RASA1: variants seen among roughly 807,000 people sequenced by gnomAD.
RASA1 encodes ras GTPase-activating protein 1.
In RASA1, 25 loss-of-function variants were observed where a neutral mutation model predicts 132.2. That is an observed-to-expected ratio of 0.19 (90% CI 0.14 to 0.26). The LOEUF (loss-of-function observed/expected upper bound fraction) is 0.26. Among genes scored for constraint, RASA1 ranks in the 10% least tolerant of loss-of-function variants. The probability of loss-of-function intolerance (pLI) is 1.00; values close to 1 mark genes in which losing one functional copy is unlikely to be tolerated. For missense variants in RASA1, 964 were observed against 1,299.2 expected (o/e 0.74, Z 3.97); for synonymous variants, 477 against 449.9 (o/e 1.06, Z -0.76).
intron 1 of RASA1, among the ~76,000 whole-genome samples, chr5:87,308,155 A>T (rs1309474564): frequency 2.0e-5 from 3 of 151,764 alleles, no homozygotes; most frequent in African/African-American, 7.3e-5. Flanking sequence ...CAGCTTTGTG[A>T]GACTGTTGAA....
At chr5:87,295,822 G>T (rs1408787470) in intron 1 of RASA1, among the ~76,000 whole-genome samples, 12 of 141,666 alleles carry the variant, frequency 8.5e-5, no homozygotes, top group African/African-American at 2.8e-4. Context: ...TCTAGTTTTG[G>T]TTTTTTTTTT....
intron 1 of RASA1, among the ~76,000 whole-genome samples, chr5:87,280,882 G>A (rs909328381): frequency 1.3e-5 from 2 of 148,244 alleles, no homozygotes; most frequent in East Asian, 4.1e-4. Flanking sequence ...TCAGCATCCC[G>A]AGTAGCTGGA....
chr5:87,350,166 C>A (rs1016104013), intron 8 of RASA1, among the ~76,000 whole-genome samples: 2 of 151,512 alleles, frequency 1.3e-5, no homozygotes, highest in South Asian at 4.1e-4. Context: ...TGAAAAAAAC[C>A]AAAAAACAAA....
intron 1 of RASA1, among the ~76,000 whole-genome samples, chr5:87,278,149 C>G (rs926090355): frequency 6.6e-6 from 1 of 152,048 alleles, no homozygotes; most frequent in Admixed American, 6.6e-5. Context: ...AACGATAGAC[C>G]GTATCTCACC....
chr5:87,351,165 C>G (rs1759239782), intron 8 of RASA1, among the ~76,000 whole-genome samples: 1 of 150,258 alleles, frequency 6.7e-6, no homozygotes, highest in African/African-American at 2.4e-5. Context: ...TTTAATGTTC[C>G]TATATTCAGA....
intron 11 of RASA1, among the ~76,000 whole-genome samples, chr5:87,367,060 A>C (rs1207120798): frequency 2.0e-5 from 3 of 152,162 alleles, no homozygotes; most frequent in Non-Finnish European, 4.4e-5. Flanking sequence ...ACAACAACAA[A>C]AATTTTTTTT....
At position 87,327,315 on chromosome 5, in the gene RASA1, G is replaced by A. The variant is rs185063162; in HGVS notation, c.540-4033G>A. 3.7e-4 allele frequency among the ~76,000 whole-genome samples: 56 copies of A among 152,136 alleles called. 1 individual carries two copies. Among genetic ancestry groups the A allele is most frequent in the Middle Eastern group, 6.8e-3 (2 of 294 alleles). ...ACAGTGACTCTAGAGTCTTTTAACC[G>A]TTCTACTATAAAGCCTATGTAGTAT... On this transcript the variant is annotated intron_variant, in intron 1 of 24. Transcript: ENST00000274376.
Position 87,376,996 on chromosome 5 carries a change from CGTT to C in RASA1, c.2307_2309del (p.Leu770del). On this transcript the variant is annotated inframe_deletion, in exon 17 of 25. Coordinates refer to ENST00000274376, the MANE Select transcript of RASA1 (RefSeq NM_002890.3). ...ATTTTTCTTCACGAAAAGCTTGAAT[CGTT>C]GTTGTTATGCACACTAAATGACAGA... 6.2e-7 allele frequency: 1 copy of C among 1,613,714 alleles called. No homozygotes were observed. The highest frequency in any genetic ancestry group is 8.5e-7 in the Non-Finnish European group (1 of 1,179,716).
At chr5:87,337,754 C>G (rs1018241373) in intron 4 of RASA1, among the ~76,000 whole-genome samples, 1 of 151,952 alleles carries the variant, frequency 6.6e-6, no homozygotes, top group Admixed American at 6.6e-5. Context: ...CTATCAAACC[C>G]ATTTTACTCA....
At chr5:87,281,458 A>G (rs1427143247) in intron 1 of RASA1, among the ~76,000 whole-genome samples, 1 of 152,078 alleles carries the variant, frequency 6.6e-6, no homozygotes, top group Non-Finnish European at 1.5e-5. Flanking sequence ...GTGGGTGTGA[A>G]GTAGTAACTG....
intron 1 of RASA1, among the ~76,000 whole-genome samples, chr5:87,276,153 G>C (rs1754053255): frequency 6.6e-6 from 1 of 151,990 alleles, no homozygotes. Flanking sequence ...TGAGGGACAG[G>C]CTGGGAGATA....
In RASA1 at chr5:87,268,361, C is replaced by G. The variant is rs1337072133; in HGVS notation, c.-91C>G. On this transcript the variant is annotated 5_prime_UTR_variant, in exon 1 of 25. Coordinates refer to ENST00000274376, the MANE Select transcript of RASA1 (RefSeq NM_002890.3). ...TCAGCCTGGGGAGCTGAAGGGGAGACGCGTCTGGGTGGGGCTGCTCGGAGC... is the reference window on the plus strand; with the variant it reads ...TCAGCCTGGGGAGCTGAAGGGGAGAGGCGTCTGGGTGGGGCTGCTCGGAGC... The G allele has an allele frequency of 7.1e-7, 1 of 1,407,834 alleles. No individual in the cohort carries two copies. The highest frequency in any genetic ancestry group is 2.5e-5 in the East Asian group (1 of 39,478). The allele number at this position is 1,407,834 out of a possible 1,614,324, so 87.2% of individuals were successfully genotyped here.
chr5:87,319,381 G>C lies in RASA1; in HGVS notation c.540-11967G>C, dbSNP rs151324547. On this transcript the variant is annotated intron_variant, in intron 1 of 24. Coordinates refer to ENST00000274376, the MANE Select transcript of RASA1 (RefSeq NM_002890.3). ...GTAGAGGGTCTCCATGAGGACTCTG[G>C]CCCTGTAGCGGAGTCCTGCCTGGAC... is the stretch of plus-strand genomic sequence containing the variant. Among the ~76,000 whole-genome samples the C allele has an allele frequency of 4.3e-3, 657 of 152,300 alleles. 6 individuals carry two copies. The highest frequency in any genetic ancestry group is 8.1e-3 in the East Asian group (42 of 5,188).
Position 87,268,737 on chromosome 5 carries a change from G to T in RASA1, c.286G>T (p.Ala96Ser), listed in dbSNP as rs752678103. The T allele has an allele frequency of 1.2e-6, 2 of 1,613,234 alleles. No homozygotes were observed. The highest frequency in any genetic ancestry group is 1.3e-5 in the African/African-American group (1 of 75,048). ...LTGGGTAAGV[A>S]GAAAGVAGAA... ...AGGGGGAGGTACTGCTGCTGGCGTA[G>T]CTGGTGCTGCTGCTGGCGTGGCCGG... Residue 96 changes from alanine (A) to serine (S), a missense_variant, in exon 1 of 25, where the codon GCT becomes TCT. By Grantham distance (99) the Ala-to-Ser change is moderately conservative (BLOSUM62 1). Transcript: ENST00000274376.
chr5:87,268,790 C>A lies in RASA1; in HGVS notation c.339C>A (p.Asp113Glu). 1.3e-5 allele frequency: 21 copies of A among 1,614,096 alleles called. No homozygotes were observed. The highest frequency in any genetic ancestry group is 1.8e-5 in the Non-Finnish European group (21 of 1,180,030). The change falls in exon 1 of 25, where the codon GAC becomes GAA. Residue 113 changes from aspartate (D) to glutamate (E), a missense_variant. Physicochemically the swap from Asp to Glu is conservative, Grantham distance 45 (BLOSUM62 2). Around this residue, in one of 6 missense-constraint regions of RASA1, gnomAD observed 326 missense variants for 275.8 expected, o/e 1.18. Transcript: ENST00000274376. ...CTGCTGTTGCTGGACCTAGTGGAGA[C>A]ATGGCTCTCACCAAACTGCCCACTT... ...AGAAVAGPSG[D>E]MALTKLPTSL...
intron 1 of RASA1, among the ~76,000 whole-genome samples, chr5:87,284,393 C>T (rs1241244228): frequency 1.3e-5 from 2 of 152,148 alleles, no homozygotes; most frequent in Admixed American, 1.3e-4. Context: ...TCACTCACAT[C>T]AGTTGGGTTT....
At chr5:87,319,031 A>G (rs1031325688) in intron 1 of RASA1, 1 of 152,556 alleles carries the variant, frequency 6.6e-6, no homozygotes, top group African/African-American at 2.4e-5. Context: ...CTGAAACCCA[A>G]CAGGGAAGTC....
At chr5:87,279,080 C>CA (rs990468634) in intron 1 of RASA1, among the ~76,000 whole-genome samples, 2 of 151,080 alleles carry the variant, frequency 1.3e-5, no homozygotes, top group East Asian at 1.9e-4. Flanking sequence ...CTTGTCTCTA[C>CA]AAAAAAAACA....
chr5:87,341,208 G>A, intron 5 of RASA1, 82 bp from the exon 6 acceptor site: 1 of 772,962 alleles, frequency 1.3e-6, no homozygotes, highest in South Asian at 5.5e-5. Flanking sequence ...GGATATGTTT[G>A]CAGATACGAT....
Sources: gnomAD v4.1 joint callset for allele counts (sites outside exome capture counted in the v4.1 genomes callset) on GRCh38, gnomAD v4.1.1 for gene constraint, gnomAD v4.1.1 regional missense constraint, MANE v1.5 for transcripts, NCBI Gene and HGNC (gene_info 2026-07-23, HGNC 2026-07-21) for gene names.